Variants in MDM1 observed in about 807,000 individuals in gnomAD.
MDM1 encodes Mdm1 nuclear protein.
Under a neutral mutation model 89.1 loss-of-function variants are expected in MDM1, and 61 were observed. The ratio of observed to expected loss-of-function variants is 0.68; its 90% CI spans 0.56 to 0.85. MDM1 has a LOEUF of 0.85. Among genes scored for constraint, MDM1 ranks in the 40% least tolerant of loss-of-function variants. The probability of loss-of-function intolerance (pLI) is 0.00; values close to 1 mark genes in which losing one functional copy is unlikely to be tolerated. For synonymous variants in MDM1, 290 were observed against 294.1 expected, an observed-to-expected ratio of 0.99 and a Z score of 0.14; for missense variants, 820 against 846.5, an observed-to-expected ratio of 0.97 and a Z score of 0.39.
At chr12:68,332,161 G>A (rs1226346825) in intron 1 of MDM1, 67 bp downstream of exon 1, 2 of 1,504,602 alleles carry the variant, frequency 1.3e-6, no homozygotes, top group African/African-American at 2.8e-5. Flanking sequence ...GCGTGACCTC[G>A]GCGCTCCACA....
At chr12:68,296,825 A>T in intron 14 of MDM1, 98 bp downstream of exon 14, 1 of 728,954 alleles carries the variant, frequency 1.4e-6, no homozygotes. Context: ...AAATCTGTGG[A>T]AGTACTTCAT....
chr12:68,331,026 T>A (rs969129004), intron 2 of MDM1, 81 bp downstream of exon 2: 2 of 776,204 alleles, frequency 2.6e-6, no homozygotes, highest in Non-Finnish European at 2.3e-6. Context: ...GCCCAAGGTT[T>A]ACTTAGCCCA....
chr12:68,302,981 T>C, intron 12 of MDM1, 109 bp from the exon 13 acceptor site: 68 of 819,296 alleles, frequency 8.3e-5, no homozygotes, highest in Non-Finnish European at 9.1e-5. Context: ...GAAGGAGAAA[T>C]ATGAGAGAAT....
intron 4 of MDM1, among the ~76,000 whole-genome samples, chr12:68,323,760 T>G (rs1207851337): frequency 6.6e-6 from 1 of 152,200 alleles, no homozygotes; most frequent in Non-Finnish European, 1.5e-5. Context: ...TGGTTTCTAT[T>G]TCACGGCATA....
chr12:68,319,727 C>T lies in MDM1; in HGVS notation c.1005+1620G>A, dbSNP rs116096428. Among the ~76,000 whole-genome samples the T allele has an allele frequency of 1.1e-3, 167 of 152,246 alleles. 1 individual carries two copies. The highest frequency in any genetic ancestry group is 3.8e-3 in the African/African-American group (158 of 41,540). ...ATTATTTTTCTCAAAGAAATTAAGG[C>T]AAACTATACCACTAATTTAAATATT... On this transcript the variant is annotated intron_variant, in intron 7 of 14. Transcript: ENST00000682720.
intron 3 of MDM1, 72 bp downstream of exon 3, chr12:68,326,585 T>C (rs758256930): frequency 1.1e-5 from 17 of 1,613,696 alleles, no homozygotes; most frequent in Admixed American, 5.0e-5. Context: ...CAAAATGTAA[T>C]ATTACAGAAA....
intron 8 of MDM1, 57 bp downstream of exon 8, chr12:68,316,523 AC>A: frequency 5.0e-6 from 7 of 1,392,054 alleles, no homozygotes. Context: ...TTTTATTCCA[AC>A]TGAAATTACA....
Position 68,313,370 on chromosome 12 carries a change from A to T in MDM1, c.1749+73T>A, listed in dbSNP as rs1007873791. ...CCACAATTCTCTAAAATCTTAACCC[A>T]TCATTCATTTATTACATGTGTCTAC... is the stretch of plus-strand genomic sequence containing the variant. On this transcript the variant is annotated intron_variant, in intron 12 of 14. Coordinates refer to ENST00000682720, the MANE Select transcript of MDM1 (RefSeq NM_001354969.2). The T allele has an allele frequency of 3.8e-6, 4 of 1,044,242 alleles. No homozygotes were observed. The African/African-American group carries it at 6.3e-5, about 16-fold the overall frequency. 64.7% of individuals were successfully genotyped at this position (1,044,242 alleles called of 1,614,324 possible). A position where few individuals can be genotyped will look rare whatever the true frequency, so the allele number is the denominator to read the frequency against.
At chr12:68,316,710 T>A in intron 7 of MDM1, 100 bp from the exon 8 acceptor site, 1 of 930,606 alleles carries the variant, frequency 1.1e-6, no homozygotes, top group Non-Finnish European at 1.6e-6. Flanking sequence ...TCTAAATATC[T>A]ACCAAACTTG....
At chr12:68,329,359 C>T (rs1876462538) in intron 2 of MDM1, among the ~76,000 whole-genome samples, 1 of 152,148 alleles carries the variant, frequency 6.6e-6, no homozygotes, top group African/African-American at 2.4e-5. Flanking sequence ...AATACCTCGT[C>T]GTCTTACTAA....
chr12:68,308,539 G>A (rs910931925), intron 12 of MDM1, among the ~76,000 whole-genome samples: 5 of 152,162 alleles, frequency 3.3e-5, no homozygotes, highest in African/African-American at 1.2e-4. Context: ...TGTCCTGATG[G>A]CCCAAACTAA....
chr12:68,302,254 C>G (rs1363934851), intron 13 of MDM1, among the ~76,000 whole-genome samples: 1 of 152,168 alleles, frequency 6.6e-6, no homozygotes, highest in Admixed American at 6.5e-5. Flanking sequence ...TGCCTACTAA[C>G]ACTAAAGGAA....
chr12:68,300,476 T>G (rs1453008519), intron 13 of MDM1, among the ~76,000 whole-genome samples: 1 of 152,142 alleles, frequency 6.6e-6, no homozygotes, highest in Non-Finnish European at 1.5e-5. Context: ...GGAAAAGATA[T>G]TCCATGCAAA....
chr12:68,310,743 A>T (rs1012683265), intron 12 of MDM1, among the ~76,000 whole-genome samples: 4 of 152,194 alleles, frequency 2.6e-5, no homozygotes, highest in African/African-American at 4.8e-5. Context: ...GGGTGCTCTG[A>T]TCCCATCTCC....
chr12:68,320,305 T>C (rs961513807), intron 7 of MDM1, among the ~76,000 whole-genome samples: 1 of 152,234 alleles, frequency 6.6e-6, no homozygotes, highest in Non-Finnish European at 1.5e-5. Flanking sequence ...TATATGAACA[T>C]TGCCCCAGAT....
rs1180894333 is a variant in MDM1, at chr12:68,302,648, A to G, written c.1974T>C (p.Ser658=). 6.2e-7 allele frequency: 1 copy of G among 1,613,716 alleles called. No individual in the cohort carries two copies. Among genetic ancestry groups the G allele is most frequent in the South Asian group, 1.1e-5 (1 of 91,050 alleles). ...YWHPSRRIQG[S]LRDPEFQHNV... Reference sequence around the variant, plus strand: ...TGTGCTGAAACTCTGGATCTCTAAGAGAGCCCTGAATTCGTCGAGAGGGAT... The same window carrying G: ...TGTGCTGAAACTCTGGATCTCTAAGGGAGCCCTGAATTCGTCGAGAGGGAT... The change falls in exon 13 of 15, where the codon TCT becomes TCC. Residue 658 remains serine (S), a synonymous_variant. Coordinates refer to ENST00000682720, the MANE Select transcript of MDM1 (RefSeq NM_001354969.2).
intron 12 of MDM1, among the ~76,000 whole-genome samples, chr12:68,303,683 A>G (rs906083824): frequency 6.6e-6 from 1 of 152,258 alleles, no homozygotes; most frequent in Admixed American, 6.5e-5. Flanking sequence ...CGCCATAAAA[A>G]TAAGATTATG....
intron 1 of MDM1, among the ~76,000 whole-genome samples, chr12:68,331,444 C>T (rs1476988247): frequency 6.6e-6 from 1 of 152,174 alleles, no homozygotes; most frequent in African/African-American, 2.4e-5. Context: ...GCAGATGCTA[C>T]CAGGAATTCC....
chr12:68,300,532 T>G (rs943938394), intron 13 of MDM1, among the ~76,000 whole-genome samples: 7 of 152,084 alleles, frequency 4.6e-5, no homozygotes, highest in Non-Finnish European at 8.8e-5. Flanking sequence ...CAAAACAGAC[T>G]TTAAAGCAAC....
Sources: gnomAD v4.1 joint callset for allele counts (sites outside exome capture counted in the v4.1 genomes callset) on GRCh38, gnomAD v4.1.1 for gene constraint, MANE v1.5 for transcripts, NCBI Gene and HGNC (gene_info 2026-07-23, HGNC 2026-07-21) for gene names.